The following RABL6 variants were observed in gnomAD, a reference collection of about 807,000 sequenced individuals.
RABL6 encodes rab-like protein 6.
RABL6 carries 28 observed loss-of-function variants against 72.9 expected under a neutral mutation model. The ratio of observed to expected loss-of-function variants is 0.38; its 90% confidence interval spans 0.28 to 0.53. The LOEUF (loss-of-function observed/expected upper bound fraction) is 0.53. RABL6 is among the 20% of genes least tolerant of loss of function. The probability of loss-of-function intolerance (pLI) is 0.80; values close to 1 mark genes in which losing one functional copy is unlikely to be tolerated. For missense variants in RABL6, 1,029 were observed against 1,008.4 expected (o/e 1.02, Z -0.28); for synonymous variants, 477 against 421.2 (o/e 1.13, Z -1.62).
chr9:136,838,111 GC>G (rs1212782159), intron 10 of RABL6, 96 bp downstream of exon 10: 7 of 1,426,072 alleles, frequency 4.9e-6, no homozygotes, highest in Admixed American at 2.1e-5. Flanking sequence ...CGCAGAAGGG[GC>G]CCCCCGCCGG....
At position 136,831,877 on chromosome 9, in the gene RABL6, C is replaced by T. The variant is rs1848483681; in HGVS notation, c.599+16C>T. 2 of 1,600,770 alleles carry T rather than the reference C, an allele frequency of 1.2e-6. No homozygotes were observed. Among genetic ancestry groups the T allele is most frequent in the Non-Finnish European group, 1.7e-6 (2 of 1,172,362 alleles). ...ACCTGGACAGGTGGGTGCGGTGGCC[C>T]TGCTCCCGAGGGACCCTGCCCGGTG... On this transcript the variant is annotated intron_variant, in intron 6 of 14. Transcript: ENST00000311502.
At chr9:136,828,641 C>G in intron 4 of RABL6, 95 bp downstream of exon 4, 1 of 1,355,834 alleles carries the variant, frequency 7.4e-7, no homozygotes, top group Non-Finnish European at 1.0e-6. Context: ...CCCCAACCAC[C>G]CCAGTTATGC....
rs370586673 is a variant in RABL6 at position 136,821,680 on chromosome 9, G to T, written c.131-1845G>T. The T allele has an allele frequency of 1.9e-4, 189 of 996,086 alleles. 1 individual carries two copies. In the East Asian group the frequency reaches 0.016, roughly 83 times the overall value. 61.7% of individuals were successfully genotyped at this position (996,086 alleles called of 1,614,324 possible). On this transcript the variant is annotated intron_variant, in intron 1 of 14. Transcript: ENST00000311502. ...GGGCCTCCCGCCGCGCTGGGGCCTG[G>T]CTCCCTCCTGGCTGCGCTGAGCGCC...
chr9:136,814,750 TAAAAAA>T (rs762218422), intron 1 of RABL6: 3 of 141,862 alleles, frequency 2.1e-5, no homozygotes, highest in African/African-American at 7.8e-5. Flanking sequence ...GACCCTGTCT[TAAAAAA>T]AAAAAAAAGG....
In RABL6 at chr9:136,818,394, AAAAAAAAAAACC is replaced by A. The variant is rs1848168778; in HGVS notation, c.131-5127_131-5116del. 1.3e-4 allele frequency among the ~76,000 whole-genome samples: 3 copies of A among 23,604 alleles called. 1 individual carries two copies. Among genetic ancestry groups the A allele is most frequent in the African/African-American group, 5.7e-4 (3 of 5,268 alleles). 15.5% of individuals were successfully genotyped at this position (23,604 alleles called of 152,430 possible). A position where few individuals can be genotyped will look rare whatever the true frequency, so the allele number is the denominator to read the frequency against. On this transcript the variant is annotated intron_variant, in intron 1 of 14. Transcript: ENST00000311502. ...AAAAAAAAAAAAAAAAAAAAAAAAA[AAAAAAAAAAACC>A]AAAGGTAAGCAAAGAAACTGGTAAA...
chr9:136,822,364 C>T (rs2131174778), intron 1 of RABL6, among the ~76,000 whole-genome samples: 1 of 152,268 alleles, frequency 6.6e-6, no homozygotes, highest in South Asian at 2.1e-4. Context: ...CTCTCCCCTC[C>T]TGGAAACGTG....
In RABL6 at chr9:136,833,369, A is replaced by G. The variant is rs1321719244; in HGVS notation, c.705+999A>G. On this transcript the variant is annotated intron_variant, in intron 7 of 14. Transcript: ENST00000311502. ...GGGCTGCCCCGCCTGGGTCTGGGGG[A>G]CCTGAACCTCCTTGCCTGGGCTGCC... The G allele has an allele frequency of 1.8e-5, 6 of 325,146 alleles. No homozygotes were observed. In the Admixed American group the frequency reaches 2.2e-4, roughly 12 times the overall value. The allele number at this position is 325,146 out of a possible 1,614,324, so 20.1% of individuals were successfully genotyped here. A position where few individuals can be genotyped will look rare whatever the true frequency, so the allele number is the denominator to read the frequency against.
chr9:136,815,239 T>G, intron 1 of RABL6: 1 of 305,298 alleles, frequency 3.3e-6, no homozygotes. Context: ...GCCAGTGCTT[T>G]GCCTGCTATG....
In RABL6 at chr9:136,840,779, C is replaced by T. The variant is rs779079178; in HGVS notation, c.*257C>T. 52 of 1,547,756 alleles carry T rather than the reference C, an allele frequency of 3.4e-5. No homozygotes were observed. The highest frequency in any genetic ancestry group is 1.3e-4 in the South Asian group (11 of 83,980). On this transcript the variant is annotated 3_prime_UTR_variant, in exon 15 of 15. Transcript: ENST00000311502. ...GGCTCGGTGGACACCCTGGCCCTCT[C>T]GGGGCAGAGCCGCCAGTGTTTCTCA...
At chr9:136,814,108 TAGTC>T in intron 1 of RABL6, 1 of 344,472 alleles carries the variant, frequency 2.9e-6, no homozygotes, top group Non-Finnish European at 5.9e-6. Context: ...AAAATCCACA[TAGTC>T]AGATTTCCTT....
At chr9:136,818,508 C>T (rs1848173314) in intron 1 of RABL6, among the ~76,000 whole-genome samples, 1 of 150,810 alleles carries the variant, frequency 6.6e-6, no homozygotes, top group East Asian at 1.9e-4. Flanking sequence ...CTTTGGGAGG[C>T]CAAGGTGGGT....
rs1157667533 is a variant in RABL6, at chr9:136,837,357, T to C, written c.821T>C (p.Met274Thr). ...CTTCTGCCTTTCAGCTTCCTGGAGA[T>C]GATGGAGGCTCGCAGCCGTGGCCAT... ...EDQNYGIFLEMMEARSRGHAS... is the reference protein window; with the variant it reads ...EDQNYGIFLETMEARSRGHAS... The change falls in exon 9 of 15, where the codon ATG becomes ACG. Residue 274 changes from methionine (M) to threonine (T), a missense_variant. Around this residue, in one of 2 missense-constraint regions of RABL6, gnomAD observed 434 missense variants for 536.1 expected, o/e 0.81. Transcript: ENST00000311502. The C allele has an allele frequency of 6.2e-7, 1 of 1,604,900 alleles. No individual in the cohort carries two copies.
intron 3 of RABL6, chr9:136,828,122 C>CCTCCCA (rs1209300784): frequency 4.7e-6 from 1 of 212,630 alleles, no homozygotes; most frequent in Non-Finnish European, 9.5e-6. Context: ...CCCACCATAT[C>CCTCCCA]CCTTGTACTT....
chr9:136,828,566 T>C lies in RABL6; in HGVS notation c.366+20T>C. 1 of 1,611,848 alleles carries C rather than the reference T, an allele frequency of 6.2e-7. No homozygotes were observed. The highest frequency in any genetic ancestry group is 2.2e-5 in the East Asian group (1 of 44,856). ...CAGGAGGTGAGTGCCAGGTACACAG[T>C]GGGTAGCAGTGGCTCAGGGCCCCGG... On this transcript the variant is annotated intron_variant, in intron 4 of 14. Coordinates refer to ENST00000311502, the MANE Select transcript of RABL6 (RefSeq NM_024718.5).
At chr9:136,819,800 T>C (rs541409912) in intron 1 of RABL6, among the ~76,000 whole-genome samples, 2 of 152,228 alleles carry the variant, frequency 1.3e-5, no homozygotes, top group East Asian at 1.9e-4. Context: ...CCGTGGCTTA[T>C]ACCTGTAATC....
chr9:136,821,046 A>G (rs367881203), intron 1 of RABL6, among the ~76,000 whole-genome samples: 1 of 152,214 alleles, frequency 6.6e-6, no homozygotes, highest in Non-Finnish European at 1.5e-5. Flanking sequence ...CAGAAGCCAA[A>G]CTGGCCAGAT....
Position 136,823,520 on chromosome 9 carries a change from C to T in RABL6, c.131-5C>T, listed in dbSNP as rs1268707265. 6.2e-7 allele frequency: 1 copy of T among 1,613,316 alleles called. No homozygotes were observed. The highest frequency in any genetic ancestry group is 1.3e-5 in the African/African-American group (1 of 74,900). ...TGCCTTTTCTTTTTCTCTTCCCGTC[C>T]CCAGTGAAGATAGTGATCCGGGGAG... On this transcript the variant is annotated splice_polypyrimidine_tract_variant and splice_region_variant and intron_variant, in intron 1 of 14. Coordinates refer to ENST00000311502, the MANE Select transcript of RABL6 (RefSeq NM_024718.5).
Position 136,839,059 on chromosome 9 carries a change from G to A in RABL6, c.1431G>A (p.Val477=). 6.2e-7 allele frequency: 1 copy of A among 1,612,408 alleles called. No homozygotes were observed. The highest frequency in any genetic ancestry group is 8.5e-7 in the Non-Finnish European group (1 of 1,179,786). ...ITLSSEEEAE[V]AAPTKGPAPA... ...TTTCGAGTGAGGAGGAAGCAGAAGT[G>A]GCAGCTCCCACAAAAGGCCCTGCCC... Residue 477 remains valine (V), a synonymous_variant, in exon 11 of 15, where the codon GTG becomes GTA. Coordinates refer to ENST00000311502, the MANE Select transcript of RABL6 (RefSeq NM_024718.5).
chr9:136,840,934 A>G lies in RABL6; in HGVS notation c.*412A>G. 2 of 1,471,746 alleles carry G rather than the reference A, an allele frequency of 1.4e-6. No individual in the cohort carries two copies. The highest frequency in any genetic ancestry group is 1.8e-6 in the Non-Finnish European group (2 of 1,107,032). 91.2% of individuals were successfully genotyped at this position (1,471,746 alleles called of 1,614,324 possible). A position where few individuals can be genotyped will look rare whatever the true frequency, so the allele number is the denominator to read the frequency against. Reference sequence around the variant, plus strand: ...CTCCGCGCTCATCTGGGGCCGCAGCATGCCTATGGTTCCGCTTCCGGCCGG... The same window carrying G: ...CTCCGCGCTCATCTGGGGCCGCAGCGTGCCTATGGTTCCGCTTCCGGCCGG... On this transcript the variant is annotated 3_prime_UTR_variant, in exon 15 of 15. Transcript: ENST00000311502.
Sources: gnomAD v4.1 joint callset for allele counts (sites outside exome capture counted in the v4.1 genomes callset) on GRCh38, gnomAD v4.1.1 for gene constraint, gnomAD v4.1.1 regional missense constraint, MANE v1.5 for transcripts, NCBI Gene and HGNC (gene_info 2026-07-23, HGNC 2026-07-21) for gene names.